Variants in EDEM3 observed in about 807,000 individuals in gnomAD.
The protein encoded by EDEM3 is ER degradation enhancing alpha-mannosidase like protein 3, also known as ER degradation-enhancing alpha-mannosidase-like protein 3.
Under a neutral mutation model 110.2 loss-of-function variants are expected in EDEM3, and 60 were observed. The ratio of observed to expected loss-of-function variants is 0.54; its 90% CI spans 0.44 to 0.67. EDEM3 has a LOEUF of 0.67. EDEM3 is among the 30% of genes least tolerant of loss of function. The pLI is 0.00. For synonymous variants in EDEM3, 352 were observed against 382.9 expected (o/e 0.92, Z 0.94); for missense variants, 996 against 1,121.0 (o/e 0.89, Z 1.59).
chr1:184,730,969 G>T (rs937181346), intron 6 of EDEM3, among the ~76,000 whole-genome samples: 76 of 151,966 alleles, frequency 5.0e-4, no homozygotes, highest in African/African-American at 1.8e-3. Flanking sequence ...ATGTCAGAAA[G>T]TCTACTGCCA....
intron 17 of EDEM3, among the ~76,000 whole-genome samples, chr1:184,707,490 A>T (rs890036757): frequency 6.6e-6 from 1 of 152,214 alleles, no homozygotes; most frequent in Non-Finnish European, 1.5e-5. Flanking sequence ...TGAATGAATC[A>T]ATCAATCTAT....
chr1:184,727,561 CT>C (rs1340663508), intron 6 of EDEM3, among the ~76,000 whole-genome samples: 3 of 152,104 alleles, frequency 2.0e-5, no homozygotes, highest in Non-Finnish European at 4.4e-5. Flanking sequence ...TACCTAGTGC[CT>C]TAACAGTGTC....
chr1:184,740,349 A>C (rs1652067447), intron 2 of EDEM3, among the ~76,000 whole-genome samples: 1 of 152,180 alleles, frequency 6.6e-6, no homozygotes. Flanking sequence ...ACTATACACA[A>C]GTTTCAATTA....
chr1:184,717,156 GA>G, intron 12 of EDEM3, 144 bp from the exon 13 acceptor site: 2 of 577,106 alleles, frequency 3.5e-6, no homozygotes, highest in Non-Finnish European at 5.6e-6. Context: ...ACTGAGTTCT[GA>G]AAAAAAGCTA....
At chr1:184,705,190 T>C (rs1339078490) in intron 18 of EDEM3, among the ~76,000 whole-genome samples, 1 of 152,182 alleles carries the variant, frequency 6.6e-6, no homozygotes, top group Non-Finnish European at 1.5e-5. Flanking sequence ...TAAACATTAA[T>C]GCATAAATTC....
chr1:184,691,546 G>A lies in EDEM3; in HGVS notation c.*2517C>T, dbSNP rs1571334379. 1.3e-5 allele frequency: 2 copies of A among 151,640 alleles called. No homozygotes were observed. The highest frequency in any genetic ancestry group is 2.1e-4 in the South Asian group (1 of 4,804). The allele number at this position is 151,640 out of a possible 1,614,324, so 9.4% of individuals were successfully genotyped here. A position where few individuals can be genotyped will look rare whatever the true frequency, so the allele number is the denominator to read the frequency against. On this transcript the variant is annotated 3_prime_UTR_variant, in exon 20 of 20. Transcript: ENST00000318130. ...AGGTAGACCAGATGTTTCTAAATTC[G>A]GGGTTTCATAGAATCCCCTGAATCT...
chr1:184,749,774 A>C (rs139904793), intron 1 of EDEM3, among the ~76,000 whole-genome samples, 182 bp from the exon 2 acceptor site: 77 of 152,308 alleles, frequency 5.1e-4, no homozygotes, highest in Middle Eastern at 6.8e-3. Flanking sequence ...ACAAGCTTTC[A>C]TGAACTCACC....
intron 2 of EDEM3, among the ~76,000 whole-genome samples, chr1:184,743,433 C>A (rs1043078068): frequency 7.3e-5 from 11 of 151,586 alleles, no homozygotes; most frequent in African/African-American, 2.4e-4. Flanking sequence ...TGATGAGAGT[C>A]CTATATAAAT....
At chr1:184,695,013 CACAAG>C (rs1163956290) in intron 19 of EDEM3, among the ~76,000 whole-genome samples, 2 of 151,882 alleles carry the variant, frequency 1.3e-5, no homozygotes, top group Non-Finnish European at 2.9e-5. Context: ...GAAATACTTT[CACAAG>C]ACAAGAACTG....
Position 184,706,406 on chromosome 1 carries a change from C to G in EDEM3, c.2203+237G>C, listed in dbSNP as rs545406624. ...TTACTACTCAGCCCTACCTCACCCT[C>G]ACACCTAAACCCAAGTATTTTCACT... On this transcript the variant is annotated intron_variant, in intron 18 of 19. Transcript: ENST00000318130. 3.0e-4 allele frequency among the ~76,000 whole-genome samples: 45 copies of G among 152,242 alleles called. No individual in the cohort carries two copies. In the South Asian group the frequency reaches 9.4e-3, roughly 32 times the overall value.
intron 9 of EDEM3, among the ~76,000 whole-genome samples, chr1:184,719,879 C>A (rs796365342): frequency 2.0e-5 from 3 of 152,332 alleles, no homozygotes; most frequent in African/African-American, 2.4e-5. Context: ...GACTTTGCGG[C>A]CCACTGATGC....
At position 184,710,517 on chromosome 1, in the gene EDEM3, G is replaced by A. The variant is rs569095375; in HGVS notation, c.1722C>T (p.Pro574=). 2 of 1,613,666 alleles carry A rather than the reference G, an allele frequency of 1.2e-6. No individual in the cohort carries two copies. The highest frequency in any genetic ancestry group is 2.2e-5 in the East Asian group (1 of 44,854). The change falls in exon 16 of 20, where the codon CCC becomes CCT. Residue 574 remains proline (P), a synonymous_variant. Transcript: ENST00000318130. ...VEESFRSGAK[P]PLRARDFMAT... is the part of the protein sequence containing the mutation. ...CCATGAAATCTCTGGCTCTCAGAGG[G>A]GGTTTAGCTCCACTCCTGAAACTCT...
intron 19 of EDEM3, among the ~76,000 whole-genome samples, chr1:184,701,893 A>G (rs1649645510): frequency 6.6e-6 from 1 of 152,228 alleles, no homozygotes; most frequent in South Asian, 2.1e-4. Context: ...CATGATTATC[A>G]CCGAACATTT....
intron 1 of EDEM3, among the ~76,000 whole-genome samples, chr1:184,750,518 C>T (rs4651232): frequency 1.5e-4 from 22 of 146,456 alleles, no homozygotes; most frequent in Middle Eastern, 7.1e-3. Context: ...TTAACTTTTT[C>T]TTTTTTTTTT....
At chr1:184,716,857 T>C in intron 13 of EDEM3, 31 bp downstream of exon 13, 3 of 1,609,358 alleles carry the variant, frequency 1.9e-6, no homozygotes, top group Non-Finnish European at 2.5e-6. Context: ...AGAGAGACCC[T>C]GAGGAAAGAG....
intron 2 of EDEM3, among the ~76,000 whole-genome samples, chr1:184,739,931 T>C (rs762036494): frequency 2.0e-5 from 3 of 152,130 alleles, no homozygotes; most frequent in Non-Finnish European, 4.4e-5. Flanking sequence ...GCGGGAGTTA[T>C]GTTAATGCCC....
chr1:184,713,404 T>C (rs1469283242), intron 13 of EDEM3, among the ~76,000 whole-genome samples: 2 of 152,240 alleles, frequency 1.3e-5, no homozygotes, highest in Non-Finnish European at 2.9e-5. Context: ...TATGTGTTTT[T>C]ACAAATGATT....
intron 1 of EDEM3, among the ~76,000 whole-genome samples, chr1:184,750,512 C>CT (rs1298087479): frequency 9.2e-6 from 1 of 108,854 alleles, no homozygotes; most frequent in Non-Finnish European, 2.0e-5. Flanking sequence ...TTTTTATTAA[C>CT]TTTTTCTTTT....
rs868035522 is a variant in EDEM3, at chr1:184,754,759, T to A, written c.-113A>T. On this transcript the variant is annotated 5_prime_UTR_variant, in exon 1 of 20. Transcript: ENST00000318130. ...TGCCGAGACGGGGCGGGATGCGGAG[T>A]AACACGGACGGCCGCCGGCGCCAAA... 2.9e-6 allele frequency: 4 copies of A among 1,387,516 alleles called. No homozygotes were observed. The highest frequency in any genetic ancestry group is 5.3e-4 in the Middle Eastern group (2 of 3,766). The allele number at this position is 1,387,516 out of a possible 1,614,324, so 86.0% of individuals were successfully genotyped here.
Sources: gnomAD v4.1 joint callset for allele counts (sites outside exome capture counted in the v4.1 genomes callset) on GRCh38, gnomAD v4.1.1 for gene constraint, MANE v1.5 for transcripts, NCBI Gene and HGNC (gene_info 2026-07-23, HGNC 2026-07-21) for gene names.